The following MACROD1 variants were observed in gnomAD, a reference collection of about 807,000 sequenced individuals.
MACROD1 encodes mono-ADP ribosylhydrolase 1.
Under a neutral mutation model 41.4 loss-of-function variants are expected in MACROD1, and 31 were observed. That is an observed-to-expected ratio of 0.75 (90% CI 0.56 to 1.01). MACROD1 has a LOEUF of 1.01. Ranked by LOEUF, MACROD1 falls within the 50% of genes least tolerant of loss-of-function variation. The pLI, the probability that MACROD1 is intolerant of heterozygous loss-of-function variation, is 0.00. For synonymous variants in MACROD1, 252 were observed against 203.4 expected (o/e 1.24, Z -2.03); for missense variants, 473 against 460.0 (o/e 1.03, Z -0.26).
intron 3 of MACROD1, among the ~76,000 whole-genome samples, chr11:64,040,653 A>C (rs1943467214): frequency 6.6e-6 from 1 of 152,170 alleles, no homozygotes; most frequent in East Asian, 1.9e-4. Flanking sequence ...TGTGAGACAA[A>C]TGTGGGCTTG....
At chr11:64,125,143 G>C (rs1002813423) in intron 3 of MACROD1, among the ~76,000 whole-genome samples, 2 of 106,878 alleles carry the variant, frequency 1.9e-5, no homozygotes, top group Admixed American at 1.3e-4. Context: ...TGCCAGGAGA[G>C]AGTGAGGGTG....
intron 3 of MACROD1, among the ~76,000 whole-genome samples, chr11:64,145,835 T>C (rs1945487544): frequency 6.6e-6 from 1 of 151,694 alleles, no homozygotes; most frequent in Non-Finnish European, 1.5e-5. Flanking sequence ...AGTGGCACAA[T>C]CTCGGCTCAC....
intron 3 of MACROD1, among the ~76,000 whole-genome samples, chr11:64,031,430 G>T (rs1053766951): frequency 2.0e-5 from 3 of 151,484 alleles, no homozygotes; most frequent in African/African-American, 7.3e-5. Context: ...GTTAGAACTT[G>T]GATCAGAGAA....
chr11:64,134,284 C>T (rs1945303465), intron 3 of MACROD1, among the ~76,000 whole-genome samples: 1 of 152,194 alleles, frequency 6.6e-6, no homozygotes, highest in Non-Finnish European at 1.5e-5. Flanking sequence ...CTGAGCTTTG[C>T]AGTACACCCC....
At chr11:64,043,363 C>G (rs906657544) in intron 3 of MACROD1, among the ~76,000 whole-genome samples, 3 of 152,192 alleles carry the variant, frequency 2.0e-5, no homozygotes, top group African/African-American at 7.2e-5. Context: ...GGCAGGAAGG[C>G]TTGTGGGGCA....
chr11:64,079,399 T>G, intron 3 of MACROD1, among the ~76,000 whole-genome samples: 2 of 146,112 alleles, frequency 1.4e-5, no homozygotes, highest in African/African-American at 2.5e-5. Flanking sequence ...AAGGGGGTCG[T>G]TGGGGATGGG....
Position 63,999,394 on chromosome 11 carries a change from A to C in MACROD1, c.828T>G (p.Cys276Trp). The C allele has an allele frequency of 6.3e-7, 1 of 1,591,538 alleles. No individual in the cohort carries two copies. Among genetic ancestry groups the C allele is most frequent in the East Asian group, 2.3e-5 (1 of 44,340 alleles). The change falls in exon 8 of 11, where the codon TGT (cysteine) becomes TGG (tryptophan). Residue 276 changes from cysteine to tryptophan, a missense_variant. Cys to Trp is a radical substitution (Grantham distance 215). Coordinates refer to ENST00000255681, the MANE Select transcript of MACROD1 (RefSeq NM_014067.4). ...CISTGVFGYP[C>W]EAAAEIVLAT... Reference sequence around the variant, plus strand: ...CCAGCACGATCTCGGCGGCCGCCTCACAGGGGTAGCCTGAGGCGGGTGGGG... The same window carrying C: ...CCAGCACGATCTCGGCGGCCGCCTCCCAGGGGTAGCCTGAGGCGGGTGGGG...
intron 3 of MACROD1, among the ~76,000 whole-genome samples, chr11:64,086,618 G>T (rs532672697): frequency 6.6e-5 from 10 of 152,118 alleles, no homozygotes; most frequent in African/African-American, 2.4e-4. Context: ...GCTTTTTCCG[G>T]CCCCTGCAGC....
rs565718866 is a variant in MACROD1, at chr11:64,072,942, G to A, written c.518-57661C>T. 3.3e-5 allele frequency among the ~76,000 whole-genome samples: 5 copies of A among 152,258 alleles called. No homozygotes were observed. The East Asian group carries it at 9.7e-4, about 29-fold the overall frequency. ...TTCTCAAGGTGACCTTCCCCAAAGTGGAACCCTCTGATCTGTTCTAACTGC... is the reference window on the plus strand; with the variant it reads ...TTCTCAAGGTGACCTTCCCCAAAGTAGAACCCTCTGATCTGTTCTAACTGC... On this transcript the variant is annotated intron_variant, in intron 3 of 10. Coordinates refer to ENST00000255681, the MANE Select transcript of MACROD1 (RefSeq NM_014067.4).
intron 3 of MACROD1, among the ~76,000 whole-genome samples, chr11:64,021,948 G>T (rs1565197645): frequency 1.4e-5 from 1 of 70,844 alleles, no homozygotes; most frequent in Non-Finnish European, 3.2e-5. Flanking sequence ...GGGGGGGGGG[G>T]GGGTGTGAGG....
At chr11:64,133,231 G>A (rs1451869037) in intron 3 of MACROD1, among the ~76,000 whole-genome samples, 4 of 152,200 alleles carry the variant, frequency 2.6e-5, no homozygotes, top group Non-Finnish European at 4.4e-5. Flanking sequence ...TAATCACTTC[G>A]TGCCCTTTGA....
In MACROD1 at chr11:64,067,730, G is replaced by T. The variant is rs183392551; in HGVS notation, c.518-52449C>A. Among the ~76,000 whole-genome samples the T allele has an allele frequency of 2.2e-4, 33 of 152,288 alleles. 1 individual carries two copies. In the East Asian group the frequency reaches 4.3e-3, roughly 20 times the overall value. On this transcript the variant is annotated intron_variant, in intron 3 of 10. Transcript: ENST00000255681. This position sits in a 1 kb window ranked among gnomAD's most constrained non-coding sequence, Gnocchi z 4.6. ...GCGGACACGCCCCTCGCGAGGCACCGCAGGCTGCCACCCCCAGCTTGTGAA... is the reference window on the plus strand; with the variant it reads ...GCGGACACGCCCCTCGCGAGGCACCTCAGGCTGCCACCCCCAGCTTGTGAA...
In MACROD1 at chr11:64,067,274, A is replaced by G. The variant is rs1426251620; in HGVS notation, c.518-51993T>C. 2.6e-5 allele frequency among the ~76,000 whole-genome samples: 4 copies of G among 152,098 alleles called. No individual in the cohort carries two copies. Among genetic ancestry groups the G allele is most frequent in the Admixed American group, 6.5e-5 (1 of 15,278 alleles). On this transcript the variant is annotated intron_variant, in intron 3 of 10. Transcript: ENST00000255681. The surrounding 1 kb of genome is among the most constrained non-coding windows in gnomAD (Gnocchi z 4.6). ...ACCTGTGCGGCACGAGAGGGAGGGA[A>G]GGAGCATCATTAACACGACATGGCC...
Position 64,032,531 on chromosome 11 carries a change from C to G in MACROD1, c.518-17250G>C, listed in dbSNP as rs573599346. Among the ~76,000 whole-genome samples, 48 of 152,250 alleles carry G rather than the reference C, an allele frequency of 3.2e-4. 1 individual carries two copies. Among genetic ancestry groups the G allele is most frequent in the African/African-American group, 9.9e-4 (41 of 41,538 alleles). The stretch of plus-strand genomic sequence containing the variant: ...GGCTGCCCGGTGGTAAGGCCCACCC[C>G]ACCAGGCTGTGTGGGTTACTGCCCC... On this transcript the variant is annotated intron_variant, in intron 3 of 10. Transcript: ENST00000255681.
chr11:64,017,748 A>G (rs1028719567), intron 3 of MACROD1, among the ~76,000 whole-genome samples: 1 of 152,078 alleles, frequency 6.6e-6, no homozygotes, highest in East Asian at 1.9e-4. Flanking sequence ...CAGTCCTGGC[A>G]GCGGTCGGCA....
At chr11:64,114,229 T>C (rs1157215603) in intron 3 of MACROD1, among the ~76,000 whole-genome samples, 3 of 149,424 alleles carry the variant, frequency 2.0e-5, no homozygotes, top group Non-Finnish European at 3.0e-5. Context: ...AATGGACAGA[T>C]GGATGCATGG....
rs546542450 is a variant in MACROD1 at position 64,069,203 on chromosome 11, G to A, written c.518-53922C>T. Among the ~76,000 whole-genome samples, 7 of 152,330 alleles carry A rather than the reference G, an allele frequency of 4.6e-5. No individual in the cohort carries two copies. In the South Asian group the frequency reaches 1.0e-3, roughly 23 times the overall value. On this transcript the variant is annotated intron_variant, in intron 3 of 10. Transcript: ENST00000255681. ...GAGCAGAGCAGGAGGGCCACTGCGC[G>A]CGGCCGGGGGCCCGAGGTGGGCGCC...
chr11:64,015,384 T>C (rs948124797), intron 3 of MACROD1, 103 bp from the exon 4 acceptor site: 17 of 1,135,848 alleles, frequency 1.5e-5, no homozygotes, highest in Middle Eastern at 2.0e-4. Flanking sequence ...GGCTGCCAGC[T>C]AGGTCTTCAG....
At chr11:64,092,715 AC>A (rs1944511099) in intron 3 of MACROD1, among the ~76,000 whole-genome samples, 1 of 152,192 alleles carries the variant, frequency 6.6e-6, no homozygotes, top group East Asian at 1.9e-4. Flanking sequence ...ACTGCATGTC[AC>A]CAGCACCAGG....
Sources: allele counts gnomAD v4.1 joint callset (sites outside exome capture counted in the v4.1 genomes callset), GRCh38; gene constraint gnomAD v4.1.1; non-coding constraint Gnocchi (gnomAD v3.1); transcripts MANE v1.5; gene names NCBI Gene and HGNC (gene_info 2026-07-23, HGNC 2026-07-21).